ARHGAP39: variants seen among roughly 807,000 people sequenced by gnomAD.
The protein encoded by ARHGAP39 is rho GTPase-activating protein 39.
ARHGAP39 carries 44 observed loss-of-function variants against 106.9 expected under a neutral mutation model. The ratio of observed to expected loss-of-function variants is 0.41; its 90% CI spans 0.32 to 0.53. ARHGAP39 has a LOEUF of 0.53. Among genes scored for constraint, ARHGAP39 ranks in the 20% least tolerant of loss-of-function variants. The probability of loss-of-function intolerance (pLI) is 0.21; values close to 1 mark genes in which losing one functional copy is unlikely to be tolerated. For missense variants in ARHGAP39, 1,496 were observed against 1,577.3 expected (o/e 0.95, Z 0.87); for synonymous variants, 768 against 693.2 (o/e 1.11, Z -1.69).
rs1046610467 is a variant in ARHGAP39, at chr8:144,646,926, T to C, written c.-82+38760A>G. On this transcript the variant is annotated intron_variant, in intron 1 of 11. Coordinates refer to ENST00000377307, the MANE Select transcript of ARHGAP39 (RefSeq NM_025251.3). This position sits in a 1 kb window ranked among gnomAD's most constrained non-coding sequence, Gnocchi z 5.7. ...TGGTGTTTCCTTCTGTCTCTCTCCC[T>C]GATGGGGCACAGCTGGAGGCATCTG... Among the ~76,000 whole-genome samples the C allele has an allele frequency of 1.3e-5, 2 of 151,250 alleles. No individual in the cohort carries two copies. Among genetic ancestry groups the C allele is most frequent in the Non-Finnish European group, 2.9e-5 (2 of 67,918 alleles).
At chr8:144,596,864 G>A (rs1014413035) in intron 2 of ARHGAP39, among the ~76,000 whole-genome samples, 6 of 152,190 alleles carry the variant, frequency 3.9e-5, no homozygotes, top group African/African-American at 9.7e-5. Flanking sequence ...CCTAAGCACC[G>A]GAGGGCGCAG....
At chr8:144,614,498 G>A (rs1020834266) in intron 1 of ARHGAP39, among the ~76,000 whole-genome samples, 14 of 152,122 alleles carry the variant, frequency 9.2e-5, no homozygotes, top group Admixed American at 7.9e-4. Flanking sequence ...GATTACAGGT[G>A]CATGCCACCA....
chr8:144,547,620 G>A lies in ARHGAP39; in HGVS notation c.1466C>T (p.Pro489Leu), dbSNP rs1360565633. ...QDTLSSTGYS[P>L]GTRKRKSRKP... The stretch of plus-strand genomic sequence containing the variant: ...TCTGCTCTTCCGCTTGCGCGTGCCC[G>A]GGGAGTAGCCTGTGGAGGACAGGGT... Residue 489 changes from proline to leucine, a missense_variant, in exon 5 of 12, where the codon CCG becomes CTG. Physicochemically the swap from Pro to Leu is moderately conservative, Grantham distance 98. Coordinates refer to ENST00000377307, the MANE Select transcript of ARHGAP39 (RefSeq NM_025251.3). This position sits in a 1 kb window ranked among gnomAD's most constrained non-coding sequence, Gnocchi z 5.2. The A allele has an allele frequency of 2.7e-6, 4 of 1,500,976 alleles. No individual in the cohort carries two copies. Among genetic ancestry groups the A allele is most frequent in the African/African-American group, 1.4e-5 (1 of 72,346 alleles). The allele number at this position is 1,500,976 out of a possible 1,614,324, so 93.0% of individuals were successfully genotyped here.
chr8:144,546,615 G>A (rs1011995893), intron 5 of ARHGAP39, among the ~76,000 whole-genome samples: 3 of 152,250 alleles, frequency 2.0e-5, no homozygotes, highest in Non-Finnish European at 4.4e-5. Flanking sequence ...TCAGCTCCAG[G>A]AGCCAGATGG....
At chr8:144,687,726 CGTGA>C, upstream of ARHGAP39, among the ~76,000 whole-genome samples, 5 of 137,620 alleles carry the variant, frequency 3.6e-5, no homozygotes, top group Non-Finnish European at 6.1e-5. Flanking sequence ...CTTCCCACCC[CGTGA>C]CCACACATTT....
chr8:144,668,154 T>G lies in ARHGAP39; in HGVS notation c.-82+17532A>C, dbSNP rs76768307. 0.016 allele frequency among the ~76,000 whole-genome samples: 2,472 copies of G among 152,222 alleles called. 209 individuals are homozygous for G. In the East Asian group the frequency reaches 0.25, roughly 15 times the overall value. On this transcript the variant is annotated intron_variant, in intron 1 of 11. Coordinates refer to ENST00000377307, the MANE Select transcript of ARHGAP39 (RefSeq NM_025251.3). Reference sequence around the variant, plus strand: ...CCTCCCCATTTTTTCAGAAAGGAAATTTTAAGGCCAGGTGCAGTGGCTTAC... The same window carrying G: ...CCTCCCCATTTTTTCAGAAAGGAAAGTTTAAGGCCAGGTGCAGTGGCTTAC...
At chr8:144,602,883 G>A (rs1288667734) in intron 2 of ARHGAP39, among the ~76,000 whole-genome samples, 1 of 139,082 alleles carries the variant, frequency 7.2e-6, no homozygotes, top group African/African-American at 2.7e-5. Context: ...TGTGTGTGGT[G>A]TGTGTGAGAG....
chr8:144,663,595 T>C (rs1480086716), intron 1 of ARHGAP39, among the ~76,000 whole-genome samples: 3 of 152,122 alleles, frequency 2.0e-5, no homozygotes, highest in Admixed American at 6.5e-5. Context: ...GCCTCCTTCC[T>C]GCTCCTAGGC....
chr8:144,561,462 TCACACTC>T (rs1818152537), intron 3 of ARHGAP39, among the ~76,000 whole-genome samples: 4 of 151,366 alleles, frequency 2.6e-5, no homozygotes, highest in Non-Finnish European at 4.4e-5. Flanking sequence ...GTGGTTTCCA[TCACACTC>T]CAGTGGTTTC....
intron 3 of ARHGAP39, among the ~76,000 whole-genome samples, chr8:144,574,149 GAAAAAAAA>G (rs35193383): frequency 1.9e-5 from 2 of 107,298 alleles, no homozygotes; most frequent in Admixed American, 1.0e-4. Flanking sequence ...CTGGGTGACA[GAAAAAAAA>G]AAAAAAAAAA....
At chr8:144,602,485 C>T (rs28970743) in intron 2 of ARHGAP39, among the ~76,000 whole-genome samples, 70,108 of 126,402 alleles carry the variant, frequency 0.55, 18,584 homozygotes, top group Admixed American at 0.63. Flanking sequence ...GTGGTGTGTG[C>T]GCGAGCTCAT....
chr8:144,639,334 A>AT (rs1419975902), intron 1 of ARHGAP39, among the ~76,000 whole-genome samples: 2 of 151,386 alleles, frequency 1.3e-5, no homozygotes, highest in Non-Finnish European at 2.9e-5. Context: ...TCAAAAAAAA[A>AT]AAAAAAAGAA....
At chr8:144,559,968 G>C (rs947143411) in intron 3 of ARHGAP39, among the ~76,000 whole-genome samples, 2 of 152,238 alleles carry the variant, frequency 1.3e-5, no homozygotes, top group Non-Finnish European at 2.9e-5. Flanking sequence ...AAACGTTCCA[G>C]ATCATGGAGC....
At chr8:144,635,619 T>C (rs1821154003) in intron 1 of ARHGAP39, among the ~76,000 whole-genome samples, 1 of 152,222 alleles carries the variant, frequency 6.6e-6, no homozygotes, top group Non-Finnish European at 1.5e-5. Context: ...GGGTGAATTA[T>C]CCCTGGGCTT....
At chr8:144,567,701 G>A (rs1818449782) in intron 3 of ARHGAP39, among the ~76,000 whole-genome samples, 1 of 152,196 alleles carries the variant, frequency 6.6e-6, no homozygotes, top group African/African-American at 2.4e-5. Flanking sequence ...ATTAGTGAAA[G>A]TACTAAAAGT....
chr8:144,559,738 T>C (rs1206764402), intron 3 of ARHGAP39, among the ~76,000 whole-genome samples: 1 of 152,248 alleles, frequency 6.6e-6, no homozygotes, highest in Non-Finnish European at 1.5e-5. Context: ...TATCTACATA[T>C]ACATATACAT....
At chr8:144,642,653 C>A (rs933535649) in intron 1 of ARHGAP39, among the ~76,000 whole-genome samples, 1 of 152,130 alleles carries the variant, frequency 6.6e-6, no homozygotes, top group African/African-American at 2.4e-5. Context: ...CTTTCCTGAG[C>A]TGTTCTCATG....
rs1822094026 is a variant in ARHGAP39, at chr8:144,671,297, T to G, written c.-82+14389A>C. 6.6e-6 allele frequency among the ~76,000 whole-genome samples: 1 copy of G among 152,210 alleles called. No individual in the cohort carries two copies. Among genetic ancestry groups the G allele is most frequent in the African/African-American group, 2.4e-5 (1 of 41,456 alleles). ...ACCATTTAAAATACATCAGAATGGG[T>G]CAAGGGTGGATAATAACTTCACGTA... On this transcript the variant is annotated intron_variant, in intron 1 of 11. Coordinates refer to ENST00000377307, the MANE Select transcript of ARHGAP39 (RefSeq NM_025251.3). The surrounding 1 kb of genome is among the most constrained non-coding windows in gnomAD (Gnocchi z 4.5).
chr8:144,660,502 T>G (rs977943030), intron 1 of ARHGAP39, among the ~76,000 whole-genome samples: 1 of 152,156 alleles, frequency 6.6e-6, no homozygotes, highest in Non-Finnish European at 1.5e-5. Context: ...TAGTCACTTG[T>G]CACTATGCTT....
Sources: allele counts gnomAD v4.1 joint callset (sites outside exome capture counted in the v4.1 genomes callset), GRCh38; gene constraint gnomAD v4.1.1; non-coding constraint Gnocchi (gnomAD v3.1); transcripts MANE v1.5; gene names NCBI Gene and HGNC (gene_info 2026-07-23, HGNC 2026-07-21).